RPTOR: variants seen among roughly 807,000 people sequenced by gnomAD.
RPTOR encodes regulatory associated protein of MTOR complex 1.
RPTOR carries 21 observed loss-of-function variants against 169.9 expected under a neutral mutation model. The ratio of observed to expected loss-of-function variants is 0.12; its 90% CI spans 0.09 to 0.18. The LOEUF is 0.18. Among genes scored for constraint, RPTOR ranks in the 10% least tolerant of loss-of-function variants. RPTOR has a pLI of 1.00. For synonymous variants in RPTOR, 732 were observed against 753.2 expected (o/e 0.97, Z 0.46); for missense variants, 1,133 against 1,855.9 (o/e 0.61, Z 7.16).
intron 3 of RPTOR, among the ~76,000 whole-genome samples, chr17:80,700,632 C>CGATGATGGTGGTGGTGATGGTAGA (rs1567864487): frequency 1.4e-4 from 1 of 7,008 alleles, no homozygotes; most frequent in Admixed American, 1.6e-3. Flanking sequence ...GTGGTGGCGG[C>CGATGATGGTGGTGGTGATGGTAGA]GATGATGGTG....
chr17:80,590,848 TA>T (rs2065099813), intron 1 of RPTOR, among the ~76,000 whole-genome samples: 1 of 152,242 alleles, frequency 6.6e-6, no homozygotes, highest in Non-Finnish European at 1.5e-5. Context: ...AGTGTTTTTC[TA>T]TTTTTTTTCT....
chr17:80,895,426 G>A (rs553330785), intron 20 of RPTOR, among the ~76,000 whole-genome samples: 2 of 152,272 alleles, frequency 1.3e-5, no homozygotes, highest in South Asian at 2.1e-4. Context: ...CGTGCTGTAC[G>A]TGTAACTTGT....
chr17:80,704,254 T>A (rs2066125423), intron 3 of RPTOR, among the ~76,000 whole-genome samples: 1 of 152,228 alleles, frequency 6.6e-6, no homozygotes, highest in Admixed American at 6.5e-5. Context: ...TCGTGACAGC[T>A]GAATAAAATG....
chr17:80,618,105 C>T (rs554551101), intron 1 of RPTOR, among the ~76,000 whole-genome samples: 25 of 152,116 alleles, frequency 1.6e-4, no homozygotes, highest in African/African-American at 5.5e-4. Context: ...CTCAGCCTCC[C>T]GAGTAGCTGG....
chr17:80,579,922 A>G (rs964075976), intron 1 of RPTOR, among the ~76,000 whole-genome samples: 2 of 152,128 alleles, frequency 1.3e-5, no homozygotes, highest in Non-Finnish European at 2.9e-5. Context: ...AGTGCTGCCT[A>G]GGGAGAGGAG....
At chr17:80,869,120 G>A (rs1296972356) in intron 13 of RPTOR, among the ~76,000 whole-genome samples, 1 of 152,172 alleles carries the variant, frequency 6.6e-6, no homozygotes, top group African/African-American at 2.4e-5. Flanking sequence ...TTGTGGGACA[G>A]TCTACAAAGA....
At chr17:80,691,244 C>G (rs2065988350) in intron 3 of RPTOR, among the ~76,000 whole-genome samples, 1 of 131,702 alleles carries the variant, frequency 7.6e-6, no homozygotes, top group African/African-American at 3.5e-5. Context: ...GGGCTTCTCT[C>G]AAAGGTGACT....
At chr17:80,559,016 G>A (rs939992540) in intron 1 of RPTOR, among the ~76,000 whole-genome samples, 4 of 152,070 alleles carry the variant, frequency 2.6e-5, no homozygotes, top group African/African-American at 9.7e-5. Flanking sequence ...GCCACCACCA[G>A]CATCCACCAC....
intron 6 of RPTOR, among the ~76,000 whole-genome samples, chr17:80,760,923 A>G (rs180900033): frequency 1.3e-5 from 2 of 152,346 alleles, no homozygotes; most frequent in East Asian, 3.9e-4. Flanking sequence ...GTACATGTGT[A>G]CTTGGTGGCA....
intron 6 of RPTOR, among the ~76,000 whole-genome samples, chr17:80,761,836 G>A (rs1157952816): frequency 6.6e-6 from 1 of 152,202 alleles, no homozygotes; most frequent in Non-Finnish European, 1.5e-5. Flanking sequence ...AGGGAGAGGA[G>A]CTCACTGGTC....
At chr17:80,924,632 C>G (rs1349244750) in intron 23 of RPTOR, among the ~76,000 whole-genome samples, 2 of 151,444 alleles carry the variant, frequency 1.3e-5, no homozygotes, top group African/African-American at 4.9e-5. Context: ...GGGAGCAATG[C>G]TACCGGCACG....
chr17:80,893,233 CGCCGGGGCGTGTGT>C (rs1199350302), intron 19 of RPTOR, among the ~76,000 whole-genome samples: 2 of 151,800 alleles, frequency 1.3e-5, no homozygotes, highest in Admixed American at 1.3e-4. Context: ...CCTGTGTGTG[CGCCGGGGCGTGTGT>C]GCCAGGGTGT....
In RPTOR at chr17:80,922,729, C is replaced by T. The variant is rs2271603; in HGVS notation, c.2526C>T (p.Thr842=). Residue 842 remains threonine, a synonymous_variant, in exon 22 of 34, where the codon ACC becomes ACT. Transcript: ENST00000306801. ...KVLNSIAYKA[T]VNARPQRVLD... ...CCCCATTCCTTTGCCCCTAGGCCAC[C>T]GTGAACGCCCGGCCGCAGCGCGTCC... is the stretch of plus-strand genomic sequence containing the variant. 0.3 allele frequency: 472,874 copies of T among 1,583,070 alleles called. 72,573 individuals carry two copies. The highest frequency in any genetic ancestry group is 0.35 in the Middle Eastern group (2,087 of 6,042).
At chr17:80,732,993 G>C (rs2066405015) in intron 5 of RPTOR, among the ~76,000 whole-genome samples, 1 of 152,182 alleles carries the variant, frequency 6.6e-6, no homozygotes, top group Non-Finnish European at 1.5e-5. Flanking sequence ...TAAATATAAT[G>C]CAAGAAAATG....
At chr17:80,832,640 C>T (rs1009316751) in intron 9 of RPTOR, among the ~76,000 whole-genome samples, 1 of 152,178 alleles carries the variant, frequency 6.6e-6, no homozygotes, top group African/African-American at 2.4e-5. Flanking sequence ...TTGCCAACTG[C>T]AACTGAGGAC....
chr17:80,923,744 C>A (rs1433175903), intron 23 of RPTOR, 71 bp downstream of exon 23: 16 of 1,440,306 alleles, frequency 1.1e-5, no homozygotes, highest in Non-Finnish European at 1.5e-5. Context: ...CTCATGGCCT[C>A]AGCCTCAGGC....
rs535677825 is a variant in RPTOR, at chr17:80,905,429, C to CAA, written c.2402-3366_2402-3365dup. Among the ~76,000 whole-genome samples, 266 of 117,694 alleles carry CAA rather than the reference C, an allele frequency of 2.3e-3. 2 individuals carry two copies. Among genetic ancestry groups the CAA allele is most frequent in the African/African-American group, 5.6e-3 (167 of 30,090 alleles). The allele number at this position is 117,694 out of a possible 152,430, so 77.2% of individuals were successfully genotyped here. ...GTGAAACCCGTCTCTACTAAAAATA[C>CAA]AAAAAAAAAAAAAAAAATTAGCTGG... is the stretch of plus-strand genomic sequence containing the variant. On this transcript the variant is annotated intron_variant, in intron 20 of 33. Coordinates refer to ENST00000306801, the MANE Select transcript of RPTOR (RefSeq NM_020761.3).
At chr17:80,938,076 C>G (rs2068976482) in intron 24 of RPTOR, among the ~76,000 whole-genome samples, 1 of 152,266 alleles carries the variant, frequency 6.6e-6, no homozygotes, top group Non-Finnish European at 1.5e-5. Flanking sequence ...CCCCTACAGG[C>G]AGAAGCCCCT....
chr17:80,791,257 C>T (rs1477380803), intron 6 of RPTOR, among the ~76,000 whole-genome samples, 193 bp from the exon 7 acceptor site: 1 of 152,174 alleles, frequency 6.6e-6, no homozygotes, highest in Non-Finnish European at 1.5e-5. Context: ...TCTGTAGTCT[C>T]ACGCCTTGAC....
Sources: gnomAD v4.1 joint callset for allele counts (sites outside exome capture counted in the v4.1 genomes callset) on GRCh38, gnomAD v4.1.1 for gene constraint, MANE v1.5 for transcripts, NCBI Gene and HGNC (gene_info 2026-07-23, HGNC 2026-07-21) for gene names.